The following GPR149 variants were observed in gnomAD, a reference collection of about 807,000 sequenced individuals.
GPR149 encodes G protein-coupled receptor 149.
Under a neutral mutation model 50.2 loss-of-function variants are expected in GPR149, and 50 were observed. The observed-to-expected ratio is 1.00, with a 90% CI of 0.79 to 1.26. GPR149 has a LOEUF of 1.26. GPR149 is among the 50% of genes most tolerant of loss of function. The probability of loss-of-function intolerance (pLI) is 0.00; values close to 1 mark genes in which losing one functional copy is unlikely to be tolerated. For synonymous variants in GPR149, 405 were observed against 358.2 expected (o/e 1.13, Z -1.48); for missense variants, 983 against 895.4 (o/e 1.10, Z -1.25).
chr3:154,421,801 G>A (rs116460325), intron 2 of GPR149, among the ~76,000 whole-genome samples: 2,511 of 151,630 alleles, frequency 0.017, 20 homozygotes, highest in Middle Eastern at 0.066. Flanking sequence ...CAAATACATT[G>A]TTTTAGCTTT....
chr3:154,352,243 T>C lies in GPR149; in HGVS notation c.1624-13972A>G, dbSNP rs1023089959. ...GAGTGACTCCCTTGTCGACTCTGTC[T>C]ACCTGATAGGCCACCAGATGGACCA... On this transcript the variant is annotated intron_variant, in intron 3 of 3. Transcript: ENST00000389740. 5 of 866,274 alleles carry C rather than the reference T, an allele frequency of 5.8e-6. No individual in the cohort carries two copies. The Admixed American group carries it at 1.1e-4, about 19-fold the overall frequency. 53.7% of individuals were successfully genotyped at this position (866,274 alleles called of 1,614,324 possible).
At chr3:154,362,039 CTT>C (rs1714418230) in intron 3 of GPR149, among the ~76,000 whole-genome samples, 1 of 152,140 alleles carries the variant, frequency 6.6e-6, no homozygotes, top group Non-Finnish European at 1.5e-5. Flanking sequence ...GAACTACTGA[CTT>C]AGAATATCCT....
intron 3 of GPR149, among the ~76,000 whole-genome samples, chr3:154,404,032 A>G (rs1247569724): frequency 1.3e-5 from 2 of 152,238 alleles, no homozygotes; most frequent in East Asian, 3.8e-4. Context: ...GGACAGTGCA[A>G]TTCTAGGATG....
At chr3:154,354,718 T>C in intron 3 of GPR149, 1 of 607,286 alleles carries the variant, frequency 1.6e-6, no homozygotes, top group Non-Finnish European at 2.6e-6. Context: ...AAATACCTTT[T>C]GCCTGTCCTT....
intron 3 of GPR149, among the ~76,000 whole-genome samples, chr3:154,389,004 TA>T (rs1362879605): frequency 6.6e-6 from 1 of 151,952 alleles, no homozygotes; most frequent in African/African-American, 2.4e-5. Context: ...CAAAGCTCCA[TA>T]AAAAGGTAAA....
intron 3 of GPR149, among the ~76,000 whole-genome samples, chr3:154,341,313 AT>A (rs1383824098): frequency 1.8e-4 from 11 of 59,470 alleles, no homozygotes; most frequent in South Asian, 6.6e-4. Flanking sequence ...ATATATATAT[AT>A]ATATATATAT....
chr3:154,380,553 T>C (rs903646469), intron 3 of GPR149, among the ~76,000 whole-genome samples: 12 of 152,322 alleles, frequency 7.9e-5, no homozygotes, highest in Non-Finnish European at 1.3e-4. Flanking sequence ...TGGATCTTTC[T>C]GCCTCAGCCT....
At chr3:154,381,079 C>T (rs1016653652) in intron 3 of GPR149, among the ~76,000 whole-genome samples, 37 of 152,162 alleles carry the variant, frequency 2.4e-4, no homozygotes, top group Non-Finnish European at 4.1e-4. Flanking sequence ...ATAATTCTAA[C>T]GTGTAGTCAG....
At chr3:154,427,023 C>G (rs1712323103) in intron 2 of GPR149, among the ~76,000 whole-genome samples, 1 of 151,968 alleles carries the variant, frequency 6.6e-6, no homozygotes, top group Non-Finnish European at 1.5e-5. Flanking sequence ...AGCAGTAAAA[C>G]AACAAAAATG....
rs1478184969 is a variant in GPR149, at chr3:154,352,816, C to G, written c.1624-14545G>C. On this transcript the variant is annotated intron_variant, in intron 3 of 3. Transcript: ENST00000389740. The stretch of plus-strand genomic sequence containing the variant: ...AACACCTACACATTTAAAAGTAATT[C>G]TTGCTTTTTGTTCCACATATCTTAG... The G allele has an allele frequency of 3.4e-6, 3 of 886,264 alleles. No individual in the cohort carries two copies. In the East Asian group the frequency reaches 7.2e-5, roughly 21 times the overall value. The allele number at this position is 886,264 out of a possible 1,614,324, so 54.9% of individuals were successfully genotyped here.
At position 154,336,192 on chromosome 3, in the gene GPR149, A is replaced by C. The variant is rs964191165; in HGVS notation, c.*1507T>G. The C allele has an allele frequency of 6.6e-6, 1 of 152,128 alleles. No individual in the cohort carries two copies. The highest frequency in any genetic ancestry group is 1.5e-5 in the Non-Finnish European group (1 of 67,946). 9.4% of individuals were successfully genotyped at this position (152,128 alleles called of 1,614,324 possible). On this transcript the variant is annotated 3_prime_UTR_variant, in exon 4 of 4. Coordinates refer to ENST00000389740, the MANE Select transcript of GPR149 (RefSeq NM_001038705.3). ...ATGTTTCCCAAATTTAGATAACTAG[A>C]TATTGAGAAGTTAAAGATTGAGAAA...
At chr3:154,402,581 A>G (rs904617838) in intron 3 of GPR149, among the ~76,000 whole-genome samples, 1 of 152,138 alleles carries the variant, frequency 6.6e-6, no homozygotes, top group Non-Finnish European at 1.5e-5. Context: ...AGATGAAAGG[A>G]CAGAGTTTGA....
chr3:154,366,313 G>A (rs182692381), intron 3 of GPR149, among the ~76,000 whole-genome samples: 38 of 152,226 alleles, frequency 2.5e-4, no homozygotes, highest in Non-Finnish European at 5.3e-4. Context: ...AACCTACTCT[G>A]GTACAGCATT....
chr3:154,353,000 G>A, intron 3 of GPR149: 1 of 1,216,884 alleles, frequency 8.2e-7, no homozygotes, highest in Non-Finnish European at 1.2e-6. Context: ...CAGCCACATT[G>A]GTTGCCACCA....
In GPR149 at chr3:154,353,079, T is replaced by A. The variant is rs112482407; in HGVS notation, c.1624-14808A>T. 1,337 of 1,423,938 alleles carry A rather than the reference T, an allele frequency of 9.4e-4. 8 individuals are homozygous for A. In the African/African-American group the frequency reaches 0.016, roughly 17 times the overall value. 88.2% of individuals were successfully genotyped at this position (1,423,938 alleles called of 1,614,324 possible). The stretch of plus-strand genomic sequence containing the variant: ...TCTTTGTGACTGTGCAATATCCCCA[T>A]GTAAACACTGGGCATTCTGTTTTAT... On this transcript the variant is annotated intron_variant, in intron 3 of 3. Transcript: ENST00000389740.
chr3:154,354,080 T>G (rs766655711), intron 3 of GPR149: 16 of 465,876 alleles, frequency 3.4e-5, no homozygotes, highest in Non-Finnish European at 6.2e-5. Context: ...TTTAGAGAAT[T>G]TATCTGAAAG....
intron 3 of GPR149, among the ~76,000 whole-genome samples, chr3:154,351,637 T>C (rs1021380876): frequency 6.6e-6 from 1 of 152,202 alleles, no homozygotes; most frequent in African/African-American, 2.4e-5. Flanking sequence ...AGTTTTCAGA[T>C]GATGCTGAAG....
chr3:154,411,831 T>C lies in GPR149; in HGVS notation c.1623+9208A>G, dbSNP rs532731414. The stretch of plus-strand genomic sequence containing the variant: ...TCCAAAAGATAGAGAAAGAGAGAGT[T>C]CTTCCTAAATCATTCTAGGAAGCCA... On this transcript the variant is annotated intron_variant, in intron 3 of 3. Transcript: ENST00000389740. Among the ~76,000 whole-genome samples the C allele has an allele frequency of 9.2e-5, 14 of 152,162 alleles. No homozygotes were observed. In the South Asian group the frequency reaches 2.9e-3, roughly 32 times the overall value.
intron 3 of GPR149, among the ~76,000 whole-genome samples, chr3:154,374,465 A>C (rs1033099991): frequency 1.8e-4 from 28 of 152,064 alleles, no homozygotes; most frequent in African/African-American, 6.7e-4. Context: ...GAGTGAACAC[A>C]CTCAGCCCAA....
Sources: gnomAD v4.1 joint callset for allele counts (sites outside exome capture counted in the v4.1 genomes callset) on GRCh38, gnomAD v4.1.1 for gene constraint, MANE v1.5 for transcripts, NCBI Gene and HGNC (gene_info 2026-07-23, HGNC 2026-07-21) for gene names.